The following DCLRE1C variants were observed in gnomAD, a reference collection of about 807,000 sequenced individuals.
The protein encoded by DCLRE1C is DNA cross-link repair 1C.
DCLRE1C carries 47 observed loss-of-function variants against 61.4 expected under a neutral mutation model. That is an observed-to-expected ratio of 0.77 (90% CI 0.61 to 0.98). DCLRE1C has a LOEUF of 0.98. DCLRE1C is among the 50% of genes least tolerant of loss of function. The probability of loss-of-function intolerance (pLI) is 0.00; values close to 1 mark genes in which losing one functional copy is unlikely to be tolerated. For missense variants in DCLRE1C, 858 were observed against 816.0 expected (o/e 1.05, Z -0.63); for synonymous variants, 337 against 287.6 (o/e 1.17, Z -1.74).
In DCLRE1C at chr10:14,908,419, AGAGTGAGCATTTTCTTTTT is replaced by A; in HGVS notation, c.2049_2067del (p.Lys683AsnfsTer2). ...AACGCTTTGAATTCTTAGGTATCTA[AGAGTGAGCATTTTCTTTTT>A]TTGACTGCTATACTCTCACCAGTTG... On this transcript the variant is annotated frameshift_variant, in exon 14 of 14. Transcript: ENST00000378278. LOFTEE classifies it high-confidence loss of function. The A allele has an allele frequency of 6.2e-7, 1 of 1,613,640 alleles. No homozygotes were observed. Among genetic ancestry groups the A allele is most frequent in the Non-Finnish European group, 8.5e-7 (1 of 1,179,732 alleles).
chr10:14,902,170 C>T (rs1834071334), downstream of DCLRE1C, among the ~76,000 whole-genome samples: 1 of 152,092 alleles, frequency 6.6e-6, no homozygotes, highest in South Asian at 2.1e-4. Flanking sequence ...CTATTATTAA[C>T]CCACACCATC....
At position 14,904,779 on chromosome 10, in the gene DCLRE1C, AT is replaced by A. The variant is rs1373388536; in HGVS notation, c.*3628del. Among the ~76,000 whole-genome samples, 1 of 152,234 alleles carries A rather than the reference AT, an allele frequency of 6.6e-6. No individual in the cohort carries two copies. Among genetic ancestry groups the A allele is most frequent in the Non-Finnish European group, 1.5e-5 (1 of 68,042 alleles). On this transcript the variant is annotated 3_prime_UTR_variant, in exon 14 of 14. Transcript: ENST00000378278. ...TTTTAAGTCAACATTTAGCTTATCC[AT>A]CATATTGGTTTCCTGAAGATGTCAG...
chr10:14,921,193 G>A (rs1205035731), intron 12 of DCLRE1C, among the ~76,000 whole-genome samples: 3 of 151,714 alleles, frequency 2.0e-5, no homozygotes, highest in Non-Finnish European at 2.9e-5. Context: ...GGTCGCGGGC[G>A]CCTGTAGTCC....
intron 1 of DCLRE1C, among the ~76,000 whole-genome samples, chr10:14,951,494 G>A (rs1317653412): frequency 6.7e-6 from 1 of 149,370 alleles, no homozygotes; most frequent in Non-Finnish European, 1.5e-5. Context: ...TGTTTGAGCT[G>A]CTATCACAAG....
At chr10:14,934,579 T>C (rs1839587263) in intron 7 of DCLRE1C, 59 bp from the exon 8 acceptor site, 1 of 1,613,782 alleles carries the variant, frequency 6.2e-7, no homozygotes, top group South Asian at 1.1e-5. Context: ...GCCTTTTCCT[T>C]CCCAACAGTC....
intron 5 of DCLRE1C, among the ~76,000 whole-genome samples, chr10:14,936,200 A>G (rs941546448): frequency 5.3e-5 from 8 of 151,968 alleles, no homozygotes; most frequent in African/African-American, 1.9e-4. Flanking sequence ...GGCCATGAAG[A>G]CTTCCATTTT....
At chr10:14,897,977 A>G (rs1326003479) in exon 14 of DCLRE1C, 1 of 152,112 alleles carries the variant, frequency 6.6e-6, no homozygotes, top group African/African-American at 2.4e-5. Flanking sequence ...TGTAAAATAT[A>G]CACAAGCATT....
chr10:14,899,693 G>A (rs769240981), downstream of DCLRE1C: 56 of 1,612,648 alleles, frequency 3.5e-5, no homozygotes, highest in South Asian at 5.6e-4. Flanking sequence ...AGCGTAAGAA[G>A]ACATACGTAA....
At chr10:14,952,159 C>T (rs1325436839) in intron 1 of DCLRE1C, among the ~76,000 whole-genome samples, 1 of 152,218 alleles carries the variant, frequency 6.6e-6, no homozygotes, top group Non-Finnish European at 1.5e-5. Flanking sequence ...CCATCCTAAA[C>T]ACGAAGTGCA....
chr10:14,928,902 C>A (rs1334550569), intron 9 of DCLRE1C, among the ~76,000 whole-genome samples: 4 of 151,426 alleles, frequency 2.6e-5, no homozygotes, highest in Non-Finnish European at 5.9e-5. Context: ...CATGTGTCAT[C>A]CTCCCAAGTA....
intron 13 of DCLRE1C, among the ~76,000 whole-genome samples, chr10:14,915,007 A>G (rs190270338): frequency 5.5e-4 from 84 of 152,266 alleles, no homozygotes; most frequent in African/African-American, 1.7e-3. Context: ...ATAACAGAAT[A>G]ATCCCTGGGA....
chr10:14,921,606 C>T (rs2130769176), intron 12 of DCLRE1C, among the ~76,000 whole-genome samples: 1 of 152,312 alleles, frequency 6.6e-6, no homozygotes, highest in Non-Finnish European at 1.5e-5. Flanking sequence ...ACTGAGCACA[C>T]ACAAATGACC....
chr10:14,900,533 C>G (rs183511819), downstream of DCLRE1C, among the ~76,000 whole-genome samples: 1 of 152,052 alleles, frequency 6.6e-6, no homozygotes, highest in African/African-American at 2.4e-5. Context: ...ATGATAAATT[C>G]GAGATACTCT....
At chr10:14,915,671 C>A (rs1271813479) in intron 13 of DCLRE1C, among the ~76,000 whole-genome samples, 3 of 151,536 alleles carry the variant, frequency 2.0e-5, no homozygotes, top group Non-Finnish European at 4.4e-5. Flanking sequence ...AAAGAAAACT[C>A]CTTTCCCACC....
At chr10:14,899,376 C>A (rs1211292201) in intron 13 of DCLRE1C, 16 of 766,026 alleles carry the variant, frequency 2.1e-5, no homozygotes, top group Admixed American at 4.6e-5. Context: ...CATTTTCCCA[C>A]CTCTTTGCAT....
intron 1 of DCLRE1C, among the ~76,000 whole-genome samples, chr10:14,950,363 A>C (rs1341656390): frequency 2.0e-5 from 3 of 151,548 alleles, no homozygotes; most frequent in Non-Finnish European, 4.4e-5. Context: ...TAACCAAAAA[A>C]AAAAAAAAAA....
intron 4 of DCLRE1C, among the ~76,000 whole-genome samples, chr10:14,939,131 G>T (rs1247094286): frequency 6.6e-6 from 1 of 152,084 alleles, no homozygotes; most frequent in Non-Finnish European, 1.5e-5. Flanking sequence ...CAGGGAAAAA[G>T]ACAGCATCTA....
intron 1 of DCLRE1C, among the ~76,000 whole-genome samples, chr10:14,952,828 A>C (rs1842650992): frequency 6.6e-6 from 1 of 152,254 alleles, no homozygotes; most frequent in South Asian, 2.1e-4. Flanking sequence ...TTTGTGGAAA[A>C]AAAAAGCAGA....
intron 13 of DCLRE1C, 88 bp from the exon 14 acceptor site, chr10:14,909,418 G>A: frequency 1.7e-6 from 2 of 1,207,902 alleles, no homozygotes; most frequent in Non-Finnish European, 1.2e-6. Context: ...TCTTGGAATT[G>A]CAAAGAATAG....
Sources: allele counts gnomAD v4.1 joint callset (sites outside exome capture counted in the v4.1 genomes callset), GRCh38; gene constraint gnomAD v4.1.1; transcripts MANE v1.5; gene names NCBI Gene and HGNC (gene_info 2026-07-23, HGNC 2026-07-21).